Variants in CSMD2 observed in about 807,000 individuals in gnomAD.
CSMD2 encodes CUB and sushi domain-containing protein 2.
A neutral mutation model predicts 398.5 loss-of-function variants in CSMD2; 130 were observed. The observed-to-expected ratio is 0.33, with a 90% CI of 0.28 to 0.38. CSMD2 has a LOEUF of 0.38. CSMD2 is among the 10% of genes least tolerant of loss of function. The pLI is 1.00. For missense variants in CSMD2, 3,829 were observed against 4,764.9 expected (o/e 0.80, Z 5.78); for synonymous variants, 1,828 against 1,908.5 (o/e 0.96, Z 1.10).
intron 25 of CSMD2, among the ~76,000 whole-genome samples, chr1:33,678,586 A>C (rs887420421): frequency 6.6e-6 from 1 of 152,184 alleles, no homozygotes; most frequent in Admixed American, 6.5e-5. Context: ...CTGTCCCCAC[A>C]TGAGAATGCA....
chr1:33,584,533 G>T (rs1638944333), intron 46 of CSMD2, among the ~76,000 whole-genome samples: 1 of 152,108 alleles, frequency 6.6e-6, no homozygotes, highest in Admixed American at 6.5e-5. Context: ...AGCTGGGTGT[G>T]GTGGCATGTG....
At chr1:34,125,471 C>T (rs1282565681) in intron 1 of CSMD2, among the ~76,000 whole-genome samples, 1 of 151,704 alleles carries the variant, frequency 6.6e-6, no homozygotes. Context: ...GTAGGCCATG[C>T]ACAGATGGTG....
At chr1:33,682,012 A>G (rs1057333524) in intron 25 of CSMD2, among the ~76,000 whole-genome samples, 53 of 152,306 alleles carry the variant, frequency 3.5e-4, no homozygotes, top group African/African-American at 1.3e-3. Flanking sequence ...ATTCTTTCAT[A>G]GTTCTGGAGG....
chr1:33,804,543 T>A (rs1046731155), intron 10 of CSMD2, among the ~76,000 whole-genome samples: 1 of 151,694 alleles, frequency 6.6e-6, no homozygotes, highest in African/African-American at 2.4e-5. Flanking sequence ...CATCAGGACT[T>A]ACCTGCACTC....
chr1:33,562,170 G>A (rs1004627711), intron 53 of CSMD2, among the ~76,000 whole-genome samples: 10 of 152,078 alleles, frequency 6.6e-5, no homozygotes, highest in Admixed American at 3.9e-4. Context: ...TGTGTTCATC[G>A]GATTCATCAA....
At chr1:33,945,758 G>A (rs1469944925) in intron 3 of CSMD2, among the ~76,000 whole-genome samples, 1 of 152,122 alleles carries the variant, frequency 6.6e-6, no homozygotes, top group East Asian at 1.9e-4. Context: ...CCTTCATCCT[G>A]CGGCCTATGT....
chr1:33,544,273 A>ATTTTTT, intron 57 of CSMD2, among the ~76,000 whole-genome samples: 1 of 136,942 alleles, frequency 7.3e-6, no homozygotes. Context: ...CGACCGGCTA[A>ATTTTTT]TTTTTTTTTT....
At chr1:33,682,170 A>T (rs1644928602) in intron 25 of CSMD2, among the ~76,000 whole-genome samples, 1 of 152,080 alleles carries the variant, frequency 6.6e-6, no homozygotes, top group African/African-American at 2.4e-5. Flanking sequence ...ATATCACTCT[A>T]ACCTCTACCT....
At chr1:34,002,305 G>A (rs1012561672) in intron 3 of CSMD2, among the ~76,000 whole-genome samples, 2 of 152,066 alleles carry the variant, frequency 1.3e-5, no homozygotes, top group South Asian at 2.1e-4. Flanking sequence ...AATAGACATG[G>A]GTCATTTTAA....
chr1:34,084,643 T>G (rs1408627255), intron 2 of CSMD2, among the ~76,000 whole-genome samples: 1 of 152,030 alleles, frequency 6.6e-6, no homozygotes, highest in African/African-American at 2.4e-5. Context: ...TCACCATCAC[T>G]GGCCATCAGA....
At position 33,590,294 on chromosome 1, in the gene CSMD2, ATTTTTTTTTT is replaced by A. The variant is rs56252015; in HGVS notation, c.6857-3136_6857-3127del. Among the ~76,000 whole-genome samples, 59 of 73,852 alleles carry A rather than the reference ATTTTTTTTTT, an allele frequency of 8.0e-4. 2 individuals carry two copies. The highest frequency in any genetic ancestry group is 3.3e-3 in the African/African-American group (58 of 17,712). 48.4% of individuals were successfully genotyped at this position (73,852 alleles called of 152,430 possible). A position where few individuals can be genotyped will look rare whatever the true frequency, so the allele number is the denominator to read the frequency against. ...ATGCCACCACACCTGGCTAATTAAA[ATTTTTTTTTT>A]TTTTTTTTTTTTTTGTAGAGATCGG... On this transcript the variant is annotated intron_variant, in intron 44 of 70. Coordinates refer to ENST00000373381, the MANE Select transcript of CSMD2 (RefSeq NM_001281956.2).
At chr1:33,731,133 G>A (rs1374154988) in intron 15 of CSMD2, among the ~76,000 whole-genome samples, 2 of 152,164 alleles carry the variant, frequency 1.3e-5, no homozygotes, top group African/African-American at 4.8e-5. Context: ...TGTTTGGATT[G>A]TAATGATATT....
chr1:34,105,422 T>C (rs754773846), intron 1 of CSMD2, among the ~76,000 whole-genome samples: 2 of 152,222 alleles, frequency 1.3e-5, no homozygotes, highest in Admixed American at 6.5e-5. Context: ...CTTAGCCATA[T>C]TGGAGTTCCT....
intron 48 of CSMD2, among the ~76,000 whole-genome samples, chr1:33,578,805 C>T (rs558629898): frequency 4.6e-5 from 7 of 152,262 alleles, no homozygotes; most frequent in South Asian, 2.1e-4. Context: ...ACAGCCACCC[C>T]TGGTGAGGTC....
At chr1:33,531,011 A>G (rs965238465) in intron 64 of CSMD2, among the ~76,000 whole-genome samples, 2 of 152,182 alleles carry the variant, frequency 1.3e-5, no homozygotes, top group African/African-American at 4.8e-5. Flanking sequence ...TCAGTTAGAC[A>G]GGGAATAAGT....
intron 37 of CSMD2, among the ~76,000 whole-genome samples, chr1:33,617,911 A>T (rs72662033): frequency 6.6e-6 from 1 of 152,220 alleles, no homozygotes; most frequent in African/African-American, 2.4e-5. Context: ...TAGGGGGCTT[A>T]GCTAGGGAGA....
chr1:33,929,635 A>G (rs1332690270), intron 4 of CSMD2, among the ~76,000 whole-genome samples: 1 of 151,808 alleles, frequency 6.6e-6, no homozygotes, highest in Non-Finnish European at 1.5e-5. Context: ...ATGGAGTTTC[A>G]CCATGTTGGT....
chr1:33,779,850 CT>C (rs879879467), intron 12 of CSMD2, among the ~76,000 whole-genome samples: 20 of 152,234 alleles, frequency 1.3e-4, no homozygotes, highest in Middle Eastern at 3.4e-3. Flanking sequence ...TATATCCCAG[CT>C]TTTCTAGTGA....
rs145062310 is a variant in CSMD2 at position 33,749,224 on chromosome 1, G to A, written c.1847-5618C>T. On this transcript the variant is annotated intron_variant, in intron 13 of 70. Transcript: ENST00000373381. ...CGCCATTCTCTTGCCTCAGCATCCCGAGTAGCTGGGACTACAGGCACCTGC... is the reference window on the plus strand; with the variant it reads ...CGCCATTCTCTTGCCTCAGCATCCCAAGTAGCTGGGACTACAGGCACCTGC... Among the ~76,000 whole-genome samples the A allele has an allele frequency of 7.3e-3, 1,066 of 146,832 alleles. 25 individuals are homozygous for A. Among genetic ancestry groups the A allele is most frequent in the Admixed American group, 0.059 (848 of 14,480 alleles).
Sources: gnomAD v4.1 joint callset for allele counts (sites outside exome capture counted in the v4.1 genomes callset) on GRCh38, gnomAD v4.1.1 for gene constraint, MANE v1.5 for transcripts, NCBI Gene and HGNC (gene_info 2026-07-23, HGNC 2026-07-21) for gene names.